NPTN: variants seen among roughly 807,000 people sequenced by gnomAD.
NPTN encodes neuroplastin.
NPTN carries 5 observed loss-of-function variants against 42.7 expected under a neutral mutation model. The observed-to-expected ratio is 0.12, with a 90% CI of 0.06 to 0.25. NPTN has a LOEUF of 0.25. NPTN is among the 10% of genes least tolerant of loss of function. The pLI is 1.00. For synonymous variants in NPTN, 180 were observed against 201.9 expected (o/e 0.89, Z 0.92); for missense variants, 307 against 525.4 (o/e 0.58, Z 4.06).
At chr15:73,588,202 C>T (rs1277055707) in intron 3 of NPTN, among the ~76,000 whole-genome samples, 2 of 152,276 alleles carry the variant, frequency 1.3e-5, no homozygotes, top group African/African-American at 2.4e-5. Flanking sequence ...ATCATGCCAA[C>T]GCACTCCAGC....
At chr15:73,632,844 C>T (rs1411397228) in intron 1 of NPTN, 14 of 349,870 alleles carry the variant, frequency 4.0e-5, no homozygotes, top group Non-Finnish European at 6.2e-5. Context: ...TCCGTGTCCC[C>T]TCGCCGACCC....
At chr15:73,630,102 T>C (rs1398367803) in intron 1 of NPTN, among the ~76,000 whole-genome samples, 1 of 152,190 alleles carries the variant, frequency 6.6e-6, no homozygotes, top group Admixed American at 6.5e-5. Context: ...ATAGTAGTAA[T>C]AGCTAACATG....
chr15:73,628,321 C>G (rs1270957687), intron 1 of NPTN, among the ~76,000 whole-genome samples: 2 of 152,202 alleles, frequency 1.3e-5, no homozygotes, highest in African/African-American at 4.8e-5. Context: ...CCTTGTACTA[C>G]TGCAGCCTTT....
At chr15:73,574,973 T>C (rs2141367389) in intron 4 of NPTN, among the ~76,000 whole-genome samples, 1 of 152,350 alleles carries the variant, frequency 6.6e-6, no homozygotes, top group South Asian at 2.1e-4. Flanking sequence ...TACCCGCCAA[T>C]GCTTCACCAG....
At chr15:73,604,672 A>G (rs1344373865) in intron 1 of NPTN, among the ~76,000 whole-genome samples, 3 of 152,162 alleles carry the variant, frequency 2.0e-5, no homozygotes, top group Non-Finnish European at 4.4e-5. Flanking sequence ...CTTCAACCTC[A>G]GTTTCCTCAT....
chr15:73,591,967 T>A lies in NPTN; in HGVS notation c.610A>T (p.Arg204Trp). The A allele has an allele frequency of 6.2e-7, 1 of 1,611,738 alleles. No individual in the cohort carries two copies. The highest frequency in any genetic ancestry group is 8.5e-7 in the Non-Finnish European group (1 of 1,178,732). Residue 204 changes from arginine (R) to tryptophan (W), a missense_variant and splice_region_variant, in exon 3 of 9, where the codon AGG becomes TGG. This residue lies in a region of NPTN where 264 missense variants were observed against 491.1 expected (regional missense o/e 0.54). Coordinates refer to ENST00000345330, the MANE Select transcript of NPTN (RefSeq NM_012428.4). ...TRKNASNMEY[R>W]INKPRAEDSG... ...CCAGGAGCTGCCCACCACTCTCACC[T>A]GTACTCCATGTTGCTGGCATTCTTA...
intron 4 of NPTN, among the ~76,000 whole-genome samples, chr15:73,584,307 G>C (rs1226535230): frequency 6.6e-6 from 1 of 152,118 alleles, no homozygotes; most frequent in African/African-American, 2.4e-5. Context: ...TAAGGATACT[G>C]CTTGGGAGTC....
chr15:73,609,619 A>G (rs769933258), intron 1 of NPTN, among the ~76,000 whole-genome samples: 1 of 152,196 alleles, frequency 6.6e-6, no homozygotes, highest in Non-Finnish European at 1.5e-5. Flanking sequence ...TGACAGAGCG[A>G]AACTCCGTCC....
At chr15:73,598,556 CTT>C (rs1201851793) in intron 1 of NPTN, among the ~76,000 whole-genome samples, 1 of 152,126 alleles carries the variant, frequency 6.6e-6, no homozygotes, top group East Asian at 1.9e-4. Context: ...CATACTCTCT[CTT>C]ACCCTTCCAC....
In NPTN at chr15:73,617,437, ATCCT is replaced by A. The variant is rs1349851481; in HGVS notation, c.91+15684_91+15687del. 8.5e-5 allele frequency among the ~76,000 whole-genome samples: 13 copies of A among 152,338 alleles called. No individual in the cohort carries two copies. In the East Asian group the frequency reaches 1.7e-3, roughly 20 times the overall value. On this transcript the variant is annotated intron_variant, in intron 1 of 8. Transcript: ENST00000345330. ...ACCACTATCCAATGCAGGAGGATTC[ATCCT>A]TCCTAACTAACCACTGGTATTCCCT...
intron 4 of NPTN, among the ~76,000 whole-genome samples, chr15:73,581,638 T>C (rs1896050001): frequency 6.6e-6 from 1 of 152,162 alleles, no homozygotes; most frequent in Non-Finnish European, 1.5e-5. Flanking sequence ...CGAATGCATG[T>C]TCCTTAGTAC....
intron 2 of NPTN, 50 bp from the exon 3 acceptor site, chr15:73,592,187 T>G (rs747286773): frequency 1.9e-5 from 29 of 1,542,114 alleles, no homozygotes; most frequent in Non-Finnish European, 2.6e-5. Flanking sequence ...CCATCCTCTG[T>G]AGCCCTGGCC....
intron 1 of NPTN, among the ~76,000 whole-genome samples, chr15:73,628,985 G>A (rs1426054806): frequency 6.6e-6 from 1 of 152,102 alleles, no homozygotes; most frequent in Non-Finnish European, 1.5e-5. Flanking sequence ...CACATCTAAG[G>A]GGTTTTATTT....
rs932227830 is a variant in NPTN, at chr15:73,599,168, G to T, written c.92-1799C>A. On this transcript the variant is annotated intron_variant, in intron 1 of 8. Transcript: ENST00000345330. Reference sequence around the variant, plus strand: ...CAACAGATGTCATTCTCAGATGCAGGAGAAGCTTTAGAATTACAGAAAGGA... The same window carrying T: ...CAACAGATGTCATTCTCAGATGCAGTAGAAGCTTTAGAATTACAGAAAGGA... 2.0e-5 allele frequency among the ~76,000 whole-genome samples: 3 copies of T among 152,166 alleles called. No individual in the cohort carries two copies. In the East Asian group the frequency reaches 5.8e-4, roughly 29 times the overall value.
intron 1 of NPTN, among the ~76,000 whole-genome samples, chr15:73,618,385 C>G (rs1000655200): frequency 2.6e-5 from 4 of 152,130 alleles, no homozygotes; most frequent in Non-Finnish European, 4.4e-5. Flanking sequence ...CAATAAACAC[C>G]AGTCATCTAA....
At chr15:73,621,898 C>A (rs928980791) in intron 1 of NPTN, among the ~76,000 whole-genome samples, 1 of 152,156 alleles carries the variant, frequency 6.6e-6, no homozygotes, top group Non-Finnish European at 1.5e-5. Context: ...ATAGGCACCA[C>A]TCCTTGCCTT....
In NPTN at chr15:73,628,530, C is replaced by T. The variant is rs182661134; in HGVS notation, c.91+4595G>A. ...GTATGGTATCCAACATGGTCACTCACTGTTTCTCTACATACTTCATTTTAA... is the reference window on the plus strand; with the variant it reads ...GTATGGTATCCAACATGGTCACTCATTGTTTCTCTACATACTTCATTTTAA... On this transcript the variant is annotated intron_variant, in intron 1 of 8. Transcript: ENST00000345330. 7.3e-4 allele frequency among the ~76,000 whole-genome samples: 111 copies of T among 152,314 alleles called. 1 individual carries two copies. The East Asian group carries it at 0.012, about 16-fold the overall frequency.
chr15:73,567,466 G>T, intron 6 of NPTN: 1 of 985,294 alleles, frequency 1.0e-6, no homozygotes, highest in Non-Finnish European at 1.2e-6. Flanking sequence ...TCCAAAAGGA[G>T]TGTACGTATA....
intron 1 of NPTN, among the ~76,000 whole-genome samples, chr15:73,627,556 G>A (rs1454034341): frequency 6.6e-6 from 1 of 152,128 alleles, no homozygotes; most frequent in Admixed American, 6.5e-5. Context: ...ATTTACATAC[G>A]TAGGAAATTC....
Sources: gnomAD v4.1 joint callset for allele counts (sites outside exome capture counted in the v4.1 genomes callset) on GRCh38, gnomAD v4.1.1 for gene constraint, gnomAD v4.1.1 regional missense constraint, MANE v1.5 for transcripts, NCBI Gene and HGNC (gene_info 2026-07-23, HGNC 2026-07-21) for gene names.